H6PD: variants seen among roughly 807,000 people sequenced by gnomAD.
H6PD encodes hexose-6-phosphate dehydrogenase/glucose 1-dehydrogenase.
A neutral mutation model predicts 61.2 loss-of-function variants in H6PD; 48 were observed. The observed-to-expected ratio is 0.78, with a 90% CI of 0.62 to 1.00. The LOEUF is 1.00. Ranked by LOEUF, H6PD falls within the 50% of genes least tolerant of loss-of-function variation. The probability of loss-of-function intolerance (pLI) is 0.00; values close to 1 mark genes in which losing one functional copy is unlikely to be tolerated. For synonymous variants in H6PD, 480 were observed against 457.9 expected (o/e 1.05, Z -0.62); for missense variants, 1,093 against 1,065.0 (o/e 1.03, Z -0.37).
chr1:9,261,240 C>T (rs1315971758), intron 3 of H6PD, among the ~76,000 whole-genome samples: 4 of 152,138 alleles, frequency 2.6e-5, no homozygotes, highest in Non-Finnish European at 5.9e-5. Flanking sequence ...AGAAAAAAGT[C>T]CAGCCTCTTC....
In H6PD at chr1:9,248,138, C is replaced by T. The variant is rs577899808; in HGVS notation, c.745+1055C>T. On this transcript the variant is annotated intron_variant, in intron 3 of 4. Transcript: ENST00000377403. ...TCAGTGGCCAGCTCATCCCCGCGGC[C>T]GCTTTCTGCAGCTGCAGCGGGAGCA... Among the ~76,000 whole-genome samples the T allele has an allele frequency of 1.9e-4, 29 of 152,340 alleles. No homozygotes were observed. In the East Asian group the frequency reaches 4.8e-3, roughly 25 times the overall value.
rs1186909082 is a variant in H6PD at position 9,235,033 on chromosome 1, C to G, written c.-44C>G. The G allele has an allele frequency of 2.7e-5, 4 of 148,384 alleles. No homozygotes were observed. The East Asian group carries it at 5.9e-4, about 22-fold the overall frequency. 9.2% of individuals were successfully genotyped at this position (148,384 alleles called of 1,614,324 possible). A position where few individuals can be genotyped will look rare whatever the true frequency, so the allele number is the denominator to read the frequency against. On this transcript the variant is annotated 5_prime_UTR_variant, in exon 1 of 5. Coordinates refer to ENST00000377403, the MANE Select transcript of H6PD (RefSeq NM_004285.4). ...CCTCAGCGCCGCCCCGGCCGTGTCCCGGAGGAGCGGCCTGCGCCGCCGCGC... is the reference window on the plus strand; with the variant it reads ...CCTCAGCGCCGCCCCGGCCGTGTCCGGGAGGAGCGGCCTGCGCCGCCGCGC...
chr1:9,259,319 C>G (rs1278432626), intron 3 of H6PD, among the ~76,000 whole-genome samples: 1 of 152,194 alleles, frequency 6.6e-6, no homozygotes, highest in African/African-American at 2.4e-5. Context: ...TGTTGTTACA[C>G]CAGTGTTGTT....
intron 3 of H6PD, among the ~76,000 whole-genome samples, chr1:9,251,876 C>CT (rs59997183): frequency 0.014 from 1,976 of 139,284 alleles, 27 homozygotes; most frequent in African/African-American, 0.042. Context: ...TCTTAGTTGT[C>CT]TTTTTTTTTT....
At chr1:9,242,789 G>A (rs1010461831) in intron 1 of H6PD, 10 of 985,372 alleles carry the variant, frequency 1.0e-5, no homozygotes, top group Non-Finnish European at 1.2e-5. Flanking sequence ...CCTGCCAGCT[G>A]GCGGCTCCTC....
intron 1 of H6PD, among the ~76,000 whole-genome samples, chr1:9,243,432 A>T (rs1472162642): frequency 6.6e-6 from 1 of 152,190 alleles, no homozygotes; most frequent in Non-Finnish European, 1.5e-5. Context: ...TCAGCCATTC[A>T]GTTCCTTCGT....
chr1:9,263,926 A>G lies in H6PD; in HGVS notation c.1433A>G (p.Asn478Ser). 1 of 1,614,196 alleles carries G rather than the reference A, an allele frequency of 6.2e-7. No homozygotes were observed. Among genetic ancestry groups the G allele is most frequent in the Non-Finnish European group, 8.5e-7 (1 of 1,180,028 alleles). ...GRKNFFITTENLLASWNFWTP... is the reference protein window; with the variant it reads ...GRKNFFITTESLLASWNFWTP... ...AAGAATTTCTTCATCACCACAGAGAACTTGCTGGCCTCCTGGAACTTCTGG... is the reference window on the plus strand; with the variant it reads ...AAGAATTTCTTCATCACCACAGAGAGCTTGCTGGCCTCCTGGAACTTCTGG... The change falls in exon 5 of 5, where the codon AAC becomes AGC. Residue 478 changes from asparagine to serine, a missense_variant. By Grantham distance (46) the Asn-to-Ser change is conservative. Transcript: ENST00000377403.
intron 1 of H6PD, among the ~76,000 whole-genome samples, chr1:9,239,442 A>G (rs915031680): frequency 2.0e-5 from 3 of 152,204 alleles, no homozygotes; most frequent in African/African-American, 4.8e-5. Flanking sequence ...AATGCAGATC[A>G]GAGGTCATTG....
chr1:9,236,528 C>T (rs1174278721), intron 1 of H6PD, among the ~76,000 whole-genome samples: 2 of 152,130 alleles, frequency 1.3e-5, no homozygotes, highest in Non-Finnish European at 2.9e-5. Flanking sequence ...ATGGGGGCAG[C>T]GGATGCCTGT....
intron 4 of H6PD, among the ~76,000 whole-genome samples, 182 bp downstream of exon 4, chr1:9,262,510 C>T (rs980862986): frequency 8.5e-5 from 13 of 152,238 alleles, no homozygotes; most frequent in African/African-American, 3.1e-4. Context: ...AGTGGCAGGC[C>T]AGCTGGTGGT....
chr1:9,263,953 C>CCCCT lies in H6PD; in HGVS notation c.1462_1465dup (p.Leu489ProfsTer9). The stretch of plus-strand genomic sequence containing the variant: ...TTGCTGGCCTCCTGGAACTTCTGGA[C>CCCCT]CCCTCTGCTGGAGAGCCTGGCCCAT... On this transcript the variant is annotated frameshift_variant, in exon 5 of 5. Coordinates refer to ENST00000377403, the MANE Select transcript of H6PD (RefSeq NM_004285.4). LOFTEE classifies it high-confidence loss of function. 2 of 1,614,198 alleles carry CCCCT rather than the reference C, an allele frequency of 1.2e-6. No homozygotes were observed. Among genetic ancestry groups the CCCCT allele is most frequent in the Non-Finnish European group, 1.7e-6 (2 of 1,180,010 alleles).
intron 3 of H6PD, among the ~76,000 whole-genome samples, chr1:9,259,541 T>A (rs1245796385): frequency 3.9e-5 from 6 of 152,208 alleles, no homozygotes; most frequent in African/African-American, 1.4e-4. Context: ...ATGTGGTTGT[T>A]ACACTAGTAT....
intron 3 of H6PD, among the ~76,000 whole-genome samples, chr1:9,259,690 G>T (rs1641653947): frequency 6.6e-6 from 1 of 151,472 alleles, no homozygotes; most frequent in Non-Finnish European, 1.5e-5. Flanking sequence ...CTTAACACCG[G>T]TGTTATGTTG....
Position 9,266,556 on chromosome 1 carries a change from G to A in H6PD, c.*1687G>A, listed in dbSNP as rs914605931. On this transcript the variant is annotated 3_prime_UTR_variant, in exon 5 of 5. Coordinates refer to ENST00000377403, the MANE Select transcript of H6PD (RefSeq NM_004285.4). ...GGAGATGGAACTCTTGGTTAAGGTC[G>A]ATTTTTCTGTCTGGCTTCTCCGCAC... The A allele has an allele frequency of 1.3e-5, 2 of 152,218 alleles. No homozygotes were observed. The highest frequency in any genetic ancestry group is 6.5e-5 in the Admixed American group (1 of 15,282). 9.4% of individuals were successfully genotyped at this position (152,218 alleles called of 1,614,324 possible). A position where few individuals can be genotyped will look rare whatever the true frequency, so the allele number is the denominator to read the frequency against.
chr1:9,238,979 A>G (rs1337039031), intron 1 of H6PD, among the ~76,000 whole-genome samples: 1 of 152,140 alleles, frequency 6.6e-6, no homozygotes, highest in African/African-American at 2.4e-5. Context: ...GAGCATAGAT[A>G]TTAGTGAAAT....
In H6PD at chr1:9,245,255, G is replaced by A; in HGVS notation, c.321G>A (p.Gln107=). Residue 107 remains glutamine (Q), a synonymous_variant, in exon 2 of 5, where the codon CAG becomes CAA. Coordinates refer to ENST00000377403, the MANE Select transcript of H6PD (RefSeq NM_004285.4). The surrounding 1 kb of genome is among the most constrained non-coding windows in gnomAD (Gnocchi z 4.8). ...AGGATCAGTTCCTGCAGCTGAGCCA[G>A]TACCGCCAACTGAAGACGGCCGAGG... ...EHKDQFLQLS[Q]YRQLKTAEDY... 1 of 1,614,188 alleles carries A rather than the reference G, an allele frequency of 6.2e-7. No homozygotes were observed. The highest frequency in any genetic ancestry group is 8.5e-7 in the Non-Finnish European group (1 of 1,180,036).
chr1:9,241,541 C>T (rs1640997962), intron 1 of H6PD, among the ~76,000 whole-genome samples: 1 of 152,164 alleles, frequency 6.6e-6, no homozygotes, highest in Non-Finnish European at 1.5e-5. Context: ...AGACTACAGA[C>T]ATGTGCCACC....
Position 9,265,095 on chromosome 1 carries a change from C to T in H6PD, c.*226C>T. On this transcript the variant is annotated 3_prime_UTR_variant, in exon 5 of 5. Coordinates refer to ENST00000377403, the MANE Select transcript of H6PD (RefSeq NM_004285.4). The stretch of plus-strand genomic sequence containing the variant: ...AAACAAGGAAGAAATGGAGTCTGCT[C>T]CTGAGAAGCTTCAAATTCAGGCCAG... 1 of 609,134 alleles carries T rather than the reference C, an allele frequency of 1.6e-6. No individual in the cohort carries two copies. The allele number at this position is 609,134 out of a possible 1,614,324, so 37.7% of individuals were successfully genotyped here.
rs947362783 is a variant in H6PD at position 9,245,756 on chromosome 1, T to C, written c.627+195T>C. On this transcript the variant is annotated intron_variant, in intron 2 of 4. Transcript: ENST00000377403. This position sits in a 1 kb window ranked among gnomAD's most constrained non-coding sequence, Gnocchi z 4.8. ...CAGCAGGGCAGGACTGTTGGGTCCT[T>C]GTCCATGTGTCTGGCCTCTTTTGTC... 5.9e-5 allele frequency among the ~76,000 whole-genome samples: 9 copies of C among 152,184 alleles called. No homozygotes were observed. Among genetic ancestry groups the C allele is most frequent in the African/African-American group, 2.2e-4 (9 of 41,438 alleles).
Sources: allele counts gnomAD v4.1 joint callset (sites outside exome capture counted in the v4.1 genomes callset), GRCh38; gene constraint gnomAD v4.1.1; non-coding constraint Gnocchi (gnomAD v3.1); transcripts MANE v1.5; gene names NCBI Gene and HGNC (gene_info 2026-07-23, HGNC 2026-07-21).